Variants in CADM2 observed in about 807,000 individuals in gnomAD.
The protein encoded by CADM2 is immunoglobulin superfamily member 4D.
In CADM2, 12 loss-of-function variants were observed where a neutral mutation model predicts 49.8. The observed-to-expected ratio is 0.24, with a 90% CI of 0.15 to 0.39. The LOEUF is 0.39. Ranked by LOEUF, CADM2 falls within the 10% of genes least tolerant of loss-of-function variation. CADM2 has a pLI of 1.00. For missense variants in CADM2, 378 were observed against 492.3 expected (o/e 0.77, Z 2.20); for synonymous variants, 214 against 175.4 (o/e 1.22, Z -1.74).
chr3:85,406,377 A>G (rs1038651782), intron 1 of CADM2, among the ~76,000 whole-genome samples: 4 of 152,204 alleles, frequency 2.6e-5, no homozygotes, highest in Admixed American at 6.5e-5. Flanking sequence ...CTATAAAATT[A>G]CAGAGCCGTT....
chr3:85,870,534 A>C (rs1205253488), intron 3 of CADM2, among the ~76,000 whole-genome samples: 1 of 152,156 alleles, frequency 6.6e-6, no homozygotes, highest in Non-Finnish European at 1.5e-5. Context: ...TAGTTTGCTA[A>C]GGATGATAGC....
chr3:85,416,796 T>C (rs767662229), intron 1 of CADM2, among the ~76,000 whole-genome samples: 4 of 152,160 alleles, frequency 2.6e-5, no homozygotes, highest in Non-Finnish European at 5.9e-5. Context: ...TAGGAAGAGG[T>C]ATATGGTTCT....
intron 1 of CADM2, among the ~76,000 whole-genome samples, chr3:85,449,172 C>T (rs370427024): frequency 6.6e-6 from 1 of 150,554 alleles, no homozygotes; most frequent in East Asian, 1.9e-4. Flanking sequence ...CAGTCTTCAG[C>T]GTTTCATTTT....
intron 8 of CADM2, among the ~76,000 whole-genome samples, chr3:86,057,607 A>T (rs1738141493): frequency 1.3e-5 from 2 of 152,308 alleles, no homozygotes; most frequent in African/African-American, 4.8e-5. Flanking sequence ...AACAACCTTT[A>T]TCTTCAAGAA....
chr3:85,829,555 T>A (rs772498786), intron 3 of CADM2, among the ~76,000 whole-genome samples: 10 of 152,016 alleles, frequency 6.6e-5, no homozygotes, highest in Admixed American at 3.9e-4. Flanking sequence ...CATTGTGTAA[T>A]GATTACCACA....
At chr3:84,991,259 G>A (rs940223106) in intron 1 of CADM2, among the ~76,000 whole-genome samples, 1 of 147,366 alleles carries the variant, frequency 6.8e-6, no homozygotes, top group African/African-American at 2.5e-5. Flanking sequence ...AAATTCATTG[G>A]AATTTTCCCG....
intron 1 of CADM2, among the ~76,000 whole-genome samples, chr3:85,096,404 T>C (rs1055444636): frequency 6.6e-6 from 1 of 151,552 alleles, no homozygotes; most frequent in Non-Finnish European, 1.5e-5. Context: ...GTACCCATTC[T>C]ACAGAAGTCA....
chr3:85,292,647 G>A lies in CADM2; in HGVS notation c.61+332979G>A, dbSNP rs1197447568. ...AGGATTAAGAATCTCACTCAAAACCGCTCAACTACATGGAAACTGAACAAC... is the reference window on the plus strand; with the variant it reads ...AGGATTAAGAATCTCACTCAAAACCACTCAACTACATGGAAACTGAACAAC... On this transcript the variant is annotated intron_variant, in intron 1 of 9. Transcript: ENST00000383699. 6.0e-5 allele frequency among the ~76,000 whole-genome samples: 9 copies of A among 150,900 alleles called. No individual in the cohort carries two copies. The South Asian group carries it at 6.2e-4, about 10-fold the overall frequency.
intron 1 of CADM2, among the ~76,000 whole-genome samples, chr3:84,999,437 G>T (rs533625232): frequency 6.6e-6 from 1 of 152,212 alleles, no homozygotes; most frequent in African/African-American, 2.4e-5. Context: ...ATCTAACACA[G>T]ATATTTTCTC....
rs147014579 is a variant in CADM2, at chr3:86,003,152, G to T, written c.970+41505G>T. On this transcript the variant is annotated intron_variant, in intron 8 of 9. Coordinates refer to ENST00000383699, the MANE Select transcript of CADM2 (RefSeq NM_001167675.2). ...AATAAAGATGATGCTTTACTCTAGA[G>T]AAAATGGCAAATGAGTGCCACGTTT... Among the ~76,000 whole-genome samples, 369 of 152,222 alleles carry T rather than the reference G, an allele frequency of 2.4e-3. 2 individuals carry two copies. Among genetic ancestry groups the T allele is most frequent in the African/African-American group, 8.6e-3 (359 of 41,528 alleles).
intron 1 of CADM2, among the ~76,000 whole-genome samples, chr3:85,001,726 A>G (rs949414698): frequency 6.6e-6 from 1 of 152,104 alleles, no homozygotes; most frequent in East Asian, 1.9e-4. Context: ...TGATACTCAT[A>G]GTTTTATACA....
chr3:85,215,934 G>A (rs1351370233), intron 1 of CADM2, among the ~76,000 whole-genome samples: 2 of 152,154 alleles, frequency 1.3e-5, no homozygotes, highest in African/African-American at 2.4e-5. Flanking sequence ...CCATGCAGAC[G>A]CTGCTAGAGA....
At chr3:85,396,199 C>T (rs950010467) in intron 1 of CADM2, among the ~76,000 whole-genome samples, 1 of 151,530 alleles carries the variant, frequency 6.6e-6, no homozygotes, top group Admixed American at 6.6e-5. Context: ...TTTATTTCAT[C>T]GGTAAATGTA....
At chr3:85,060,347 G>A (rs1343112392) in intron 1 of CADM2, among the ~76,000 whole-genome samples, 3 of 151,742 alleles carry the variant, frequency 2.0e-5, no homozygotes, top group South Asian at 2.1e-4. Flanking sequence ...TGCTGGTCTC[G>A]AACTCCTGAC....
chr3:85,603,542 C>T (rs2063472646), intron 1 of CADM2, among the ~76,000 whole-genome samples: 2 of 151,786 alleles, frequency 1.3e-5, no homozygotes, highest in Non-Finnish European at 2.9e-5. Flanking sequence ...CTGAACTAAA[C>T]ATTCTTTTTT....
intron 1 of CADM2, among the ~76,000 whole-genome samples, chr3:84,963,634 T>C (rs1283833400): frequency 6.6e-6 from 1 of 152,118 alleles, no homozygotes; most frequent in African/African-American, 2.4e-5. Flanking sequence ...AGTAAAAATA[T>C]AACACAAGCA....
Position 85,834,844 on chromosome 3 carries a change from C to A in CADM2, c.238+32648C>A, listed in dbSNP as rs565531323. Among the ~76,000 whole-genome samples, 8 of 151,552 alleles carry A rather than the reference C, an allele frequency of 5.3e-5. No individual in the cohort carries two copies. In the South Asian group the frequency reaches 1.5e-3, roughly 28 times the overall value. Reference sequence around the variant, plus strand: ...GGGGTTGAGTTGTCACAGGTGACATCTTTAATTTCCTCAATTTGAGTGTAA... The same window carrying A: ...GGGGTTGAGTTGTCACAGGTGACATATTTAATTTCCTCAATTTGAGTGTAA... On this transcript the variant is annotated intron_variant, in intron 3 of 9. Coordinates refer to ENST00000383699, the MANE Select transcript of CADM2 (RefSeq NM_001167675.2).
chr3:85,349,536 A>C (rs1332647522), intron 1 of CADM2, among the ~76,000 whole-genome samples: 2 of 152,166 alleles, frequency 1.3e-5, no homozygotes, highest in Non-Finnish European at 1.5e-5. Context: ...TTGGCATTAC[A>C]GTGCGAGAAA....
chr3:85,697,698 T>C (rs1419291127), intron 1 of CADM2, among the ~76,000 whole-genome samples: 1 of 152,196 alleles, frequency 6.6e-6, no homozygotes, highest in African/African-American at 2.4e-5. Context: ...ACATGGAATA[T>C]GTGAAAAGCA....
Sources: allele counts gnomAD v4.1 joint callset (sites outside exome capture counted in the v4.1 genomes callset), GRCh38; gene constraint gnomAD v4.1.1; transcripts MANE v1.5; gene names NCBI Gene and HGNC (gene_info 2026-07-23, HGNC 2026-07-21).